Variants in WDFY1 observed in about 807,000 individuals in gnomAD.
WDFY1 encodes the protein WD repeat and FYVE domain-containing protein 1.
In WDFY1, 32 loss-of-function variants were observed where a neutral mutation model predicts 56.4. That is an observed-to-expected ratio of 0.57 (90% confidence interval 0.43 to 0.76). The LOEUF is 0.76. WDFY1 is among the 30% of genes least tolerant of loss of function. The probability of loss-of-function intolerance (pLI) is 0.00; values close to 1 mark genes in which losing one functional copy is unlikely to be tolerated. For synonymous variants in WDFY1, 192 were observed against 197.3 expected (o/e 0.97, Z 0.23); for missense variants, 480 against 545.7 (o/e 0.88, Z 1.20).
In WDFY1 at chr2:223,942,787, G is replaced by A. The variant is rs867348100; in HGVS notation, c.137+2361C>T. On this transcript the variant is annotated intron_variant, in intron 1 of 11. Transcript: ENST00000233055. ...CCTGACCTCATGATCCACCCGCCTC[G>A]GCCTCCCAAAGTGCTGGGATTACAG... Among the ~76,000 whole-genome samples the A allele has an allele frequency of 2.9e-3, 395 of 135,478 alleles. 3 individuals carry two copies. Among genetic ancestry groups the A allele is most frequent in the African/African-American group, 9.9e-3 (353 of 35,832 alleles). The allele number at this position is 135,478 out of a possible 152,430, so 88.9% of individuals were successfully genotyped here.
At chr2:223,913,754 T>C (rs952056800) in intron 2 of WDFY1, among the ~76,000 whole-genome samples, 12 of 152,178 alleles carry the variant, frequency 7.9e-5, no homozygotes, top group African/African-American at 2.2e-4. Flanking sequence ...AACATAAATA[T>C]GTAAAATCCC....
intron 9 of WDFY1, among the ~76,000 whole-genome samples, chr2:223,883,149 T>C (rs1192400303): frequency 6.6e-6 from 1 of 152,198 alleles, no homozygotes; most frequent in African/African-American, 2.4e-5. Flanking sequence ...CCTCCCAAAA[T>C]GCTGGGATTA....
intron 2 of WDFY1, 135 bp from the exon 3 acceptor site, chr2:223,912,461 T>C: frequency 7.1e-6 from 4 of 565,760 alleles, no homozygotes; most frequent in Non-Finnish European, 1.2e-5. Context: ...TTTATACAAA[T>C]TACGTAAATT....
At chr2:223,930,369 A>G (rs1252903622) in intron 1 of WDFY1, among the ~76,000 whole-genome samples, 4 of 152,140 alleles carry the variant, frequency 2.6e-5, no homozygotes, top group Non-Finnish European at 5.9e-5. Context: ...CGGTTCTGTC[A>G]CCCAGGCTGG....
intron 3 of WDFY1, among the ~76,000 whole-genome samples, chr2:223,911,566 CCACACACACACACACACACACA>C (rs58131865): frequency 6.6e-5 from 9 of 136,140 alleles, no homozygotes; most frequent in Admixed American, 3.0e-4. Context: ...AGCTGAATGA[CCACACACACACACACACACACA>C]CACACACACA....
At chr2:223,891,033 C>T (rs965357875) in intron 8 of WDFY1, among the ~76,000 whole-genome samples, 8 of 152,210 alleles carry the variant, frequency 5.3e-5, no homozygotes, top group African/African-American at 1.7e-4. Context: ...CATTGCAGAG[C>T]TAGAGGATCT....
At chr2:223,918,082 A>G in intron 1 of WDFY1, 72 bp from the exon 2 acceptor site, 2 of 1,522,554 alleles carry the variant, frequency 1.3e-6, no homozygotes, top group Non-Finnish European at 1.8e-6. Flanking sequence ...TGAGAACTTA[A>G]TTTTTAAAAT....
At position 223,898,872 on chromosome 2, in the gene WDFY1, C is replaced by T. The variant is rs1011202056; in HGVS notation, c.598+86G>A. On this transcript the variant is annotated intron_variant, in intron 6 of 11. Transcript: ENST00000233055. ...GAAATCTGACAGATCATGAGGAACA[C>T]AGCATTCATGAATCCACATAGTAGA... The T allele has an allele frequency of 1.4e-4, 135 of 986,966 alleles. No homozygotes were observed. In the Admixed American group the frequency reaches 2.5e-3, roughly 18 times the overall value. 61.1% of individuals were successfully genotyped at this position (986,966 alleles called of 1,614,324 possible).
At chr2:223,880,984 A>C (rs486593) in intron 10 of WDFY1, among the ~76,000 whole-genome samples, 70,680 of 151,964 alleles carry the variant, frequency 0.47, 16,952 homozygotes, top group Non-Finnish European at 0.53. Context: ...TTCATTTACC[A>C]ACACCAGTCG....
chr2:223,918,743 G>A (rs746788347), intron 1 of WDFY1, among the ~76,000 whole-genome samples: 5 of 152,162 alleles, frequency 3.3e-5, no homozygotes, highest in Non-Finnish European at 5.9e-5. Flanking sequence ...GTGGTTGACC[G>A]TCTGGGCCGA....
chr2:223,890,380 G>A (rs1049272859), intron 8 of WDFY1, among the ~76,000 whole-genome samples: 2 of 152,170 alleles, frequency 1.3e-5, no homozygotes, highest in Admixed American at 1.3e-4. Context: ...ACCGAGGCAC[G>A]AGAATCGCTT....
At chr2:223,901,764 C>A (rs1693511455) in intron 4 of WDFY1, among the ~76,000 whole-genome samples, 1 of 152,098 alleles carries the variant, frequency 6.6e-6, no homozygotes, top group African/African-American at 2.4e-5. Context: ...TGTTTTGAAC[C>A]TTCAGAAAAC....
chr2:223,896,155 C>CAA lies in WDFY1; in HGVS notation c.599-527_599-526dup, dbSNP rs71058956. Among the ~76,000 whole-genome samples the CAA allele has an allele frequency of 3.8e-3, 152 of 39,838 alleles. 16 individuals are homozygous for CAA. The highest frequency in any genetic ancestry group is 5.1e-3 in the Non-Finnish European group (123 of 24,076). The allele number at this position is 39,838 out of a possible 152,430, so 26.1% of individuals were successfully genotyped here. ...TGGGTGACAGAGTGAGACTCTGTCTCAAAAAAAAAAAAAAAAAAAAAAAAA... is the reference window on the plus strand; with the variant it reads ...TGGGTGACAGAGTGAGACTCTGTCTCAAAAAAAAAAAAAAAAAAAAAAAAAAA... On this transcript the variant is annotated intron_variant, in intron 6 of 11. Transcript: ENST00000233055.
chr2:223,935,949 T>A lies in WDFY1; in HGVS notation c.137+9199A>T, dbSNP rs549918185. Among the ~76,000 whole-genome samples the A allele has an allele frequency of 6.6e-5, 10 of 151,228 alleles. No individual in the cohort carries two copies. In the South Asian group the frequency reaches 2.1e-3, roughly 32 times the overall value. On this transcript the variant is annotated intron_variant, in intron 1 of 11. Coordinates refer to ENST00000233055, the MANE Select transcript of WDFY1 (RefSeq NM_020830.5). The stretch of plus-strand genomic sequence containing the variant: ...AGGTGGGAAATGTACCAGGTGTGAG[T>A]GGGACAGAACACACACTGACTTCAC...
chr2:223,923,239 G>A (rs113565494), intron 1 of WDFY1, among the ~76,000 whole-genome samples: 1 of 152,076 alleles, frequency 6.6e-6, no homozygotes, highest in Non-Finnish European at 1.5e-5. Context: ...TGTACCCCAA[G>A]AACCTATTAA....
chr2:223,927,513 G>T (rs1005563587), intron 1 of WDFY1, among the ~76,000 whole-genome samples: 2 of 152,252 alleles, frequency 1.3e-5, no homozygotes, highest in East Asian at 1.9e-4. Flanking sequence ...CCCCTCTCAG[G>T]CTTCATAAAA....
At chr2:223,923,957 C>T (rs1184584244) in intron 1 of WDFY1, among the ~76,000 whole-genome samples, 1 of 152,114 alleles carries the variant, frequency 6.6e-6, no homozygotes. Flanking sequence ...TTATGTTTTT[C>T]CTGCTGCTTA....
chr2:223,889,622 T>C (rs1448828627), intron 8 of WDFY1, among the ~76,000 whole-genome samples: 1 of 152,202 alleles, frequency 6.6e-6, no homozygotes, highest in Admixed American at 6.5e-5. Flanking sequence ...TCCACCATGA[T>C]TGTGACGCCT....
intron 6 of WDFY1, among the ~76,000 whole-genome samples, chr2:223,896,232 C>T (rs1193700642): frequency 2.3e-5 from 3 of 132,482 alleles, no homozygotes; most frequent in Non-Finnish European, 4.8e-5. Context: ...TCTTCTGTGA[C>T]AAAAATTACA....
Sources: allele counts gnomAD v4.1 joint callset (sites outside exome capture counted in the v4.1 genomes callset), GRCh38; gene constraint gnomAD v4.1.1; transcripts MANE v1.5; gene names NCBI Gene and HGNC (gene_info 2026-07-23, HGNC 2026-07-21).